The following GTSE1 variants were observed in gnomAD, a reference collection of about 807,000 sequenced individuals.
GTSE1 encodes G2 and S-phase expressed 1.
A neutral mutation model predicts 60.5 loss-of-function variants in GTSE1; 52 were observed. That is an observed-to-expected ratio of 0.86 (90% confidence interval 0.69 to 1.08). The LOEUF is 1.08. Ranked by LOEUF, GTSE1 falls within the 50% of genes least tolerant of loss-of-function variation. The pLI is 0.00. For missense variants in GTSE1, 937 were observed against 961.8 expected (o/e 0.97, Z 0.34); for synonymous variants, 368 against 386.5 (o/e 0.95, Z 0.56).
At chr22:46,311,442 T>G (rs2077748306) in intron 4 of GTSE1, among the ~76,000 whole-genome samples, 1 of 152,228 alleles carries the variant, frequency 6.6e-6, no homozygotes. Flanking sequence ...TTGTACAACA[T>G]AACAGATCTA....
intron 2 of GTSE1, among the ~76,000 whole-genome samples, chr22:46,305,588 G>A (rs1419992560): frequency 1.0e-3 from 140 of 135,444 alleles, no homozygotes; most frequent in Middle Eastern, 6.2e-3. Context: ...CAGCCTGAGT[G>A]ACAGAGTGAG....
At chr22:46,306,191 TA>T (rs1243204641) in intron 2 of GTSE1, among the ~76,000 whole-genome samples, 5 of 151,972 alleles carry the variant, frequency 3.3e-5, no homozygotes, top group South Asian at 2.1e-4. Context: ...TTTATTTATT[TA>T]TTTTTTTGAG....
At chr22:46,315,924 G>A in intron 6 of GTSE1, 108 bp from the exon 7 acceptor site, 1 of 848,068 alleles carries the variant, frequency 1.2e-6, no homozygotes, top group South Asian at 2.1e-5. Context: ...TATTGTTAAT[G>A]TGTCTTATGT....
At chr22:46,323,075 C>T in intron 7 of GTSE1, 115 bp from the exon 8 acceptor site, 1 of 774,668 alleles carries the variant, frequency 1.3e-6, no homozygotes, top group East Asian at 2.5e-5. Context: ...GCCACCTACA[C>T]TCAAGTTGGG....
Position 46,313,831 on chromosome 22 carries a change from C to G in GTSE1, c.928-59C>G. ...CAAAAACCCCTTACTTTTGCAGACA[C>G]AAGTAATAGGTAAATAACGAGATCT... On this transcript the variant is annotated intron_variant, in intron 5 of 11. Coordinates refer to ENST00000454366, the MANE Select transcript of GTSE1 (RefSeq NM_016426.7). This position sits in a 1 kb window ranked among gnomAD's most constrained non-coding sequence, Gnocchi z 4.4. 13 of 1,597,292 alleles carry G rather than the reference C, an allele frequency of 8.1e-6. No individual in the cohort carries two copies. Among genetic ancestry groups the G allele is most frequent in the Non-Finnish European group, 1.1e-5 (13 of 1,166,324 alleles).
At chr22:46,299,818 A>G (rs530115492) in intron 2 of GTSE1, among the ~76,000 whole-genome samples, 9 of 150,876 alleles carry the variant, frequency 6.0e-5, no homozygotes, top group African/African-American at 2.2e-4. Context: ...TTTTTGAGAC[A>G]GAGTCTCACT....
Position 46,299,092 on chromosome 22 carries a change from C to T in GTSE1, c.79+1613C>T, listed in dbSNP as rs1485634137. Among the ~76,000 whole-genome samples the T allele has an allele frequency of 3.3e-5, 5 of 152,246 alleles. No homozygotes were observed. In the East Asian group the frequency reaches 9.6e-4, roughly 29 times the overall value. On this transcript the variant is annotated intron_variant, in intron 2 of 11. Transcript: ENST00000454366. ...GCTGAATCTCTTTTCACTTTTCTAT[C>T]GCCAGTCAGCTTTTCAGTAACATTC...
chr22:46,302,472 T>TC (rs1384314119), intron 2 of GTSE1, among the ~76,000 whole-genome samples: 1 of 151,122 alleles, frequency 6.6e-6, no homozygotes, highest in Non-Finnish European at 1.5e-5. Flanking sequence ...CCTCCCAGGC[T>TC]CATGCGATCC....
Position 46,330,039 on chromosome 22 carries a change from T to C in GTSE1, c.2137-8T>C, listed in dbSNP as rs2077867386. On this transcript the variant is annotated splice_region_variant and splice_polypyrimidine_tract_variant and intron_variant, in intron 11 of 11. Coordinates refer to ENST00000454366, the MANE Select transcript of GTSE1 (RefSeq NM_016426.7). The surrounding 1 kb of genome is among the most constrained non-coding windows in gnomAD (Gnocchi z 6.0). ...CACGCTCACCTCCTCCACTCTGCTC[T>C]CTTCCAGCTCATAGACCTGAGCTCC... The C allele has an allele frequency of 3.2e-6, 5 of 1,586,554 alleles. No homozygotes were observed. The highest frequency in any genetic ancestry group is 4.3e-6 in the Non-Finnish European group (5 of 1,154,758).
At chr22:46,327,937 A>C (rs2077853453) in intron 9 of GTSE1, among the ~76,000 whole-genome samples, 1 of 152,210 alleles carries the variant, frequency 6.6e-6, no homozygotes, top group Non-Finnish European at 1.5e-5. Context: ...AAAACACCAG[A>C]TCTGATATAT....
chr22:46,321,710 T>C lies in GTSE1; in HGVS notation c.1433-1480T>C. 6.6e-6 allele frequency among the ~76,000 whole-genome samples: 1 copy of C among 152,168 alleles called. No individual in the cohort carries two copies. The highest frequency in any genetic ancestry group is 2.1e-4 in the South Asian group (1 of 4,834). On this transcript the variant is annotated intron_variant, in intron 7 of 11. Coordinates refer to ENST00000454366, the MANE Select transcript of GTSE1 (RefSeq NM_016426.7). This position sits in a 1 kb window ranked among gnomAD's most constrained non-coding sequence, Gnocchi z 4.0. ...AGAGCTGGGTGTGGTGGGAGACTTG[T>C]TTGTCTCATAAAATTTTAACCTTCA...
chr22:46,299,777 CTTTTCTTTTCTT>C (rs1282631570), intron 2 of GTSE1, among the ~76,000 whole-genome samples: 14 of 151,742 alleles, frequency 9.2e-5, no homozygotes, highest in Non-Finnish European at 2.9e-5. Flanking sequence ...TTATAAAGCT[CTTTTCTTTTCTT>C]TTTTCTTTTT....
chr22:46,324,092 C>T lies in GTSE1; in HGVS notation c.1505+830C>T, dbSNP rs1477218351. On this transcript the variant is annotated intron_variant, in intron 8 of 11. Transcript: ENST00000454366. The surrounding 1 kb of genome is among the most constrained non-coding windows in gnomAD (Gnocchi z 5.2). ...TTTTCCTCACGTCAAGTAGGGATGG[C>T]CCAAGCTCAGCTGGGGCCACTTGCA... Among the ~76,000 whole-genome samples the T allele has an allele frequency of 6.6e-6, 1 of 152,192 alleles. No individual in the cohort carries two copies. Among genetic ancestry groups the T allele is most frequent in the Non-Finnish European group, 1.5e-5 (1 of 68,036 alleles).
At position 46,328,908 on chromosome 22, in the gene GTSE1, G is replaced by A. The variant is rs1385887316; in HGVS notation, c.1926+19G>A. 6.3e-7 allele frequency: 1 copy of A among 1,594,002 alleles called. No individual in the cohort carries two copies. Among genetic ancestry groups the A allele is most frequent in the Admixed American group, 1.7e-5 (1 of 59,934 alleles). ...TAGTGAGGTGGGCAGAACGGGCGCA[G>A]CTGGGTTCTGTTAGCTGAGATTCCT... On this transcript the variant is annotated intron_variant, in intron 10 of 11. Transcript: ENST00000454366.
In GTSE1 at chr22:46,297,130, CA is replaced by C. The variant is rs2077661248; in HGVS notation, c.-22+201del. ...CTGCCCCCCAGGCAAACAGAGCCCC[CA>C]ACACTCTGGCCCAGAAGCCGAGAAT... On this transcript the variant is annotated intron_variant, in intron 1 of 11. Transcript: ENST00000454366. The surrounding 1 kb of genome is among the most constrained non-coding windows in gnomAD (Gnocchi z 4.9). Among the ~76,000 whole-genome samples, 1 of 152,218 alleles carries C rather than the reference CA, an allele frequency of 6.6e-6. No homozygotes were observed. The highest frequency in any genetic ancestry group is 2.1e-4 in the South Asian group (1 of 4,836).
In GTSE1 at chr22:46,314,328, GT is replaced by G. The variant is rs563400945; in HGVS notation, c.1051+319del. 5.3e-5 allele frequency among the ~76,000 whole-genome samples: 8 copies of G among 152,326 alleles called. No individual in the cohort carries two copies. The South Asian group carries it at 1.5e-3, about 28-fold the overall frequency. On this transcript the variant is annotated intron_variant, in intron 6 of 11. Coordinates refer to ENST00000454366, the MANE Select transcript of GTSE1 (RefSeq NM_016426.7). The surrounding 1 kb of genome is among the most constrained non-coding windows in gnomAD (Gnocchi z 7.1). ...CTCATGTCCATGTCATGAGACACCA[GT>G]TTTAAAATAGGACTATTCCAGATAA...
Position 46,326,532 on chromosome 22 carries a change from C to T in GTSE1, c.1602C>T (p.Ala534=). 1 of 1,614,142 alleles carries T rather than the reference C, an allele frequency of 6.2e-7. No homozygotes were observed. Among genetic ancestry groups the T allele is most frequent in the South Asian group, 1.1e-5 (1 of 91,072 alleles). ...AWRVSALPTP[A]SRRCSGLPPM... Reference sequence around the variant, plus strand: ...GTGTGTCAGCCTTGCCCACACCCGCCAGCCGGCGCTGCTCTGGCCTTCCAC... The same window carrying T: ...GTGTGTCAGCCTTGCCCACACCCGCTAGCCGGCGCTGCTCTGGCCTTCCAC... The change falls in exon 9 of 12, where the codon GCC becomes GCT. Residue 534 remains alanine, a synonymous_variant. Transcript: ENST00000454366.
chr22:46,308,770 G>A lies in GTSE1; in HGVS notation c.589G>A (p.Ala197Thr). The change falls in exon 4 of 12, where the codon GCC (alanine) becomes ACC (threonine). Residue 197 changes from alanine (A) to threonine (T), a missense_variant. Transcript: ENST00000454366. ...SPALPSSGAQ[A>T]RLTRAPGPPH... is the part of the protein sequence containing the mutation. ...GGCCCTGCCCAGCTCTGGTGCCCAG[G>A]CCCGCCTCACCCGGGCGCCGGGGCC... 6.2e-7 allele frequency: 1 copy of A among 1,613,012 alleles called. No homozygotes were observed. Among genetic ancestry groups the A allele is most frequent in the Non-Finnish European group, 8.5e-7 (1 of 1,179,976 alleles).
chr22:46,326,464 C>G lies in GTSE1; in HGVS notation c.1534C>G (p.Arg512Gly). 1 of 1,609,048 alleles carries G rather than the reference C, an allele frequency of 6.2e-7. No individual in the cohort carries two copies. The highest frequency in any genetic ancestry group is 8.5e-7 in the Non-Finnish European group (1 of 1,175,870). The change falls in exon 9 of 12, where the codon CGC becomes GGC. Residue 512 changes from arginine (R) to glycine (G), a missense_variant. By Grantham distance (125) the Arg-to-Gly change is moderately radical. Transcript: ENST00000454366. ...RVTVHSTPVR[R>G]SSGPAPQSLL... The stretch of plus-strand genomic sequence containing the variant: ...CACTGTCCACAGCACCCCGGTTAGA[C>G]GCTCATCTGGGCCAGCACCACAAAG...
Sources: gnomAD v4.1 joint callset for allele counts (sites outside exome capture counted in the v4.1 genomes callset) on GRCh38, gnomAD v4.1.1 for gene constraint, Gnocchi (gnomAD v3.1) non-coding constraint, MANE v1.5 for transcripts, NCBI Gene and HGNC (gene_info 2026-07-23, HGNC 2026-07-21) for gene names.